LEMD1: variants seen among roughly 807,000 people sequenced by gnomAD.
LEMD1 encodes LEM domain-containing protein 1.
In LEMD1, 18 loss-of-function variants were observed where a neutral mutation model predicts 17.4. The observed-to-expected ratio is 1.04, with a 90% CI of 0.72 to 1.54. LEMD1 has a LOEUF of 1.54. LEMD1 is among the 40% of genes most tolerant of loss of function. The pLI, the probability that LEMD1 is intolerant of heterozygous loss-of-function variation, is 0.00. For synonymous variants in LEMD1, 88 were observed against 77.8 expected, an observed-to-expected ratio of 1.13 and a Z score of -0.69; for missense variants, 195 against 210.4, an observed-to-expected ratio of 0.93 and a Z score of 0.45.
rs996069069 is a variant in LEMD1 at position 205,416,084 on chromosome 1, G to C, written c.270+148C>G. 7.6e-6 allele frequency: 4 copies of C among 527,448 alleles called. No homozygotes were observed. In the South Asian group the frequency reaches 1.3e-4, roughly 16 times the overall value. 32.7% of individuals were successfully genotyped at this position (527,448 alleles called of 1,614,324 possible). A position where few individuals can be genotyped will look rare whatever the true frequency, so the allele number is the denominator to read the frequency against. On this transcript the variant is annotated intron_variant, in intron 4 of 5. Transcript: ENST00000367153. ...AAATTTTTTCATCATACAGAAATCT[G>C]CATTAAAATGATCCTCTTTAAACTA...
intron 1 of LEMD1, chr1:205,436,134 TGGAACACGGGAATGAGCTGAA>T (rs1666200294): frequency 6.6e-6 from 1 of 152,332 alleles, no homozygotes; most frequent in Non-Finnish European, 1.5e-5. Context: ...GCCCCTCAGA[TGGAACACGGGAATGAGCTGAA>T]GGAGGAGAGA....
chr1:205,388,079 A>G (rs769401217), intron 4 of LEMD1, among the ~76,000 whole-genome samples: 30 of 152,258 alleles, frequency 2.0e-4, no homozygotes, highest in Non-Finnish European at 3.4e-4. Flanking sequence ...AGAGCCCCAC[A>G]GTCCCTGCCC....
intron 2 of LEMD1, among the ~76,000 whole-genome samples, chr1:205,419,925 G>C (rs1330228041): frequency 1.3e-5 from 2 of 152,120 alleles, no homozygotes; most frequent in African/African-American, 4.8e-5. Context: ...GGGGAATACA[G>C]ATAATAAATA....
chr1:205,405,278 G>C (rs1377967138), intron 4 of LEMD1, among the ~76,000 whole-genome samples: 1 of 150,462 alleles, frequency 6.6e-6, no homozygotes, highest in African/African-American at 2.5e-5. Context: ...AGTTCTCCTG[G>C]ATAATATCCT....
upstream of LEMD1, among the ~76,000 whole-genome samples, chr1:205,423,206 G>T (rs113488333): frequency 4.7e-3 from 715 of 152,274 alleles, 4 homozygotes; most frequent in African/African-American, 0.017. Flanking sequence ...AGTCTCCCAG[G>T]CTGTGGCTCC....
chr1:205,400,414 T>G (rs1017706765), intron 4 of LEMD1, among the ~76,000 whole-genome samples: 4 of 152,170 alleles, frequency 2.6e-5, no homozygotes, highest in Non-Finnish European at 5.9e-5. Flanking sequence ...TTACTAGCAG[T>G]GGGACACAGT....
chr1:205,440,765 A>G (rs980504813), intron 1 of LEMD1: 1 of 152,598 alleles, frequency 6.6e-6, no homozygotes, highest in African/African-American at 2.4e-5. Context: ...AGAGGCACAC[A>G]GGAGGCTGAT....
intron 1 of LEMD1, among the ~76,000 whole-genome samples, chr1:205,443,039 C>G (rs1023357221): frequency 2.0e-5 from 3 of 152,098 alleles, no homozygotes; most frequent in African/African-American, 7.2e-5. Context: ...TAACTTGATC[C>G]GGAAGGAGGG....
At chr1:205,400,849 C>CA (rs1487361586) in intron 4 of LEMD1, among the ~76,000 whole-genome samples, 10 of 111,406 alleles carry the variant, frequency 9.0e-5, no homozygotes, top group East Asian at 4.1e-4. Context: ...TCCCTCCCCC[C>CA]CCCCACCCCA....
chr1:205,403,981 G>C (rs1193548342), intron 4 of LEMD1, among the ~76,000 whole-genome samples: 1 of 152,114 alleles, frequency 6.6e-6, no homozygotes, highest in African/African-American at 2.4e-5. Flanking sequence ...TTCAGGAGCA[G>C]GTTGTTCAGT....
At chr1:205,407,686 T>A (rs1345738023) in intron 4 of LEMD1, among the ~76,000 whole-genome samples, 1 of 152,144 alleles carries the variant, frequency 6.6e-6, no homozygotes, top group Non-Finnish European at 1.5e-5. Flanking sequence ...TCTAGCAAGT[T>A]AGCAAATCCA....
intron 1 of LEMD1, chr1:205,436,626 T>C (rs1666209693): frequency 6.6e-6 from 1 of 152,172 alleles, no homozygotes; most frequent in Non-Finnish European, 1.5e-5. Context: ...CAGCTCTCTC[T>C]TGCTCTTGCT....
chr1:205,389,033 C>CTT (rs1278093645), intron 4 of LEMD1, among the ~76,000 whole-genome samples: 61 of 77,038 alleles, frequency 7.9e-4, no homozygotes, highest in South Asian at 2.1e-3. Context: ...AGTACATTTG[C>CTT]TTTCTTTTTT....
intron 4 of LEMD1, among the ~76,000 whole-genome samples, chr1:205,392,324 G>A (rs1664382283): frequency 6.6e-6 from 1 of 152,068 alleles, no homozygotes; most frequent in Non-Finnish European, 1.5e-5. Flanking sequence ...AGAACCAAGT[G>A]TAAATTTTAG....
intron 4 of LEMD1, among the ~76,000 whole-genome samples, chr1:205,405,494 C>A (rs894057868): frequency 6.9e-6 from 1 of 143,888 alleles, no homozygotes; most frequent in Non-Finnish European, 1.5e-5. Flanking sequence ...TTGATCGCAT[C>A]GGCTCCTGAG....
At chr1:205,407,537 C>A (rs1001466143) in intron 4 of LEMD1, among the ~76,000 whole-genome samples, 1 of 152,034 alleles carries the variant, frequency 6.6e-6, no homozygotes, top group East Asian at 1.9e-4. Flanking sequence ...TAGAGGGCAG[C>A]GCGCCCAGAG....
At chr1:205,402,679 G>T (rs1664907012) in intron 4 of LEMD1, among the ~76,000 whole-genome samples, 1 of 151,742 alleles carries the variant, frequency 6.6e-6, no homozygotes, top group South Asian at 2.1e-4. Context: ...TTTCCTAATT[G>T]AATACCCTTT....
chr1:205,432,180 A>G (rs941215509), intron 1 of LEMD1, among the ~76,000 whole-genome samples: 3 of 152,166 alleles, frequency 2.0e-5, no homozygotes, highest in South Asian at 2.1e-4. Context: ...AGAGAAAGGA[A>G]GAGGAAGGGA....
chr1:205,401,207 T>A (rs956252248), intron 4 of LEMD1, among the ~76,000 whole-genome samples: 17 of 152,270 alleles, frequency 1.1e-4, no homozygotes, highest in Non-Finnish European at 2.4e-4. Flanking sequence ...TTTGGGTATA[T>A]ACCCAGTAAT....
Sources: gnomAD v4.1 joint callset for allele counts (sites outside exome capture counted in the v4.1 genomes callset) on GRCh38, gnomAD v4.1.1 for gene constraint, MANE v1.5 for transcripts, NCBI Gene and HGNC (gene_info 2026-07-23, HGNC 2026-07-21) for gene names.